Variants in DNAH11 observed in about 807,000 individuals in gnomAD.
DNAH11 encodes the protein dynein axonemal heavy chain 11, also known as axonemal beta dynein heavy chain 11.
In DNAH11, 442 loss-of-function variants were observed where a neutral mutation model predicts 526.0. That is an observed-to-expected ratio of 0.84 (90% CI 0.78 to 0.91). DNAH11 has a LOEUF of 0.91. Ranked by LOEUF, DNAH11 falls within the 40% of genes least tolerant of loss-of-function variation. The pLI is 0.00. For synonymous variants in DNAH11, 2,461 were observed against 1,935.9 expected (o/e 1.27, Z -7.12); for missense variants, 6,989 against 5,448.7 (o/e 1.28, Z -8.90).
rs1786851727 is a variant in DNAH11, at chr7:21,636,089, A to T, written c.4719A>T (p.Glu1573Asp). Residue 1573 changes from glutamate (E) to aspartate (D), a missense_variant, in exon 26 of 82, where the codon GAA becomes GAT. Physicochemically the swap from Glu to Asp is conservative, Grantham distance 45. Coordinates refer to ENST00000409508, the MANE Select transcript of DNAH11 (RefSeq NM_001277115.2). ...GAAGATTTGATGGGGTGGATGCTGA[A>T]TTTAAGGTTTGTCAAAGACAGGCTG... ...DARRFDGVDA[E>D]FKELMFKTAK... 6.2e-7 allele frequency: 1 copy of T among 1,608,160 alleles called. No homozygotes were observed. Among genetic ancestry groups the T allele is most frequent in the Non-Finnish European group, 8.5e-7 (1 of 1,176,130 alleles).
chr7:21,749,143 G>A (rs1184041940), intron 52 of DNAH11, among the ~76,000 whole-genome samples: 1 of 152,138 alleles, frequency 6.6e-6, no homozygotes, highest in Non-Finnish European at 1.5e-5. Context: ...ATAAGAACAG[G>A]AGAAGAAGAT....
At chr7:21,627,146 G>C (rs542315968) in intron 25 of DNAH11, among the ~76,000 whole-genome samples, 24 of 152,206 alleles carry the variant, frequency 1.6e-4, no homozygotes, top group African/African-American at 5.5e-4. Flanking sequence ...TGGGTTGTTT[G>C]AATTTTGTAT....
chr7:21,637,915 T>TGA (rs1180102349), intron 27 of DNAH11, among the ~76,000 whole-genome samples: 3 of 152,170 alleles, frequency 2.0e-5, no homozygotes, highest in African/African-American at 7.2e-5. Context: ...ATTTGTTTTC[T>TGA]GAGAGGAGTA....
chr7:21,808,480 T>C (rs1231302491), intron 63 of DNAH11, among the ~76,000 whole-genome samples: 9 of 152,212 alleles, frequency 5.9e-5, no homozygotes, highest in African/African-American at 9.6e-5. Flanking sequence ...CTGGCACTTA[T>C]TTCTTCTATC....
chr7:21,581,311 AG>A (rs1263325101), intron 8 of DNAH11, among the ~76,000 whole-genome samples: 1 of 152,188 alleles, frequency 6.6e-6, no homozygotes, highest in African/African-American at 2.4e-5. Context: ...GTTATGTATC[AG>A]GAGGAAACTG....
At chr7:21,716,083 C>G (rs1312490852) in intron 42 of DNAH11, among the ~76,000 whole-genome samples, 1 of 150,338 alleles carries the variant, frequency 6.7e-6, no homozygotes, top group Non-Finnish European at 1.5e-5. Flanking sequence ...AAGCCCACTT[C>G]TTCCTTCTGG....
intron 44 of DNAH11, among the ~76,000 whole-genome samples, chr7:21,725,565 T>G (rs1205794905): frequency 6.6e-6 from 1 of 152,158 alleles, no homozygotes; most frequent in Admixed American, 6.5e-5. Flanking sequence ...ACCGTTACAA[T>G]AGTGACTACC....
chr7:21,877,549 G>A (rs1032796185), intron 74 of DNAH11, among the ~76,000 whole-genome samples: 2 of 152,162 alleles, frequency 1.3e-5, no homozygotes, highest in Non-Finnish European at 2.9e-5. Flanking sequence ...ACCATTTCTT[G>A]TAGGATACCA....
intron 45 of DNAH11, among the ~76,000 whole-genome samples, chr7:21,727,441 A>G (rs1254776954): frequency 1.3e-5 from 2 of 152,168 alleles, no homozygotes; most frequent in Non-Finnish European, 1.5e-5. Context: ...CAGCTATCAA[A>G]TGAATATGTT....
chr7:21,737,958 A>G (rs1785688940), intron 46 of DNAH11, among the ~76,000 whole-genome samples: 1 of 152,058 alleles, frequency 6.6e-6, no homozygotes, highest in Non-Finnish European at 1.5e-5. Context: ...TTGTTCATTC[A>G]TTCATTTATT....
intron 43 of DNAH11, 133 bp from the exon 44 acceptor site, chr7:21,720,592 C>T: frequency 9.8e-7 from 1 of 1,024,700 alleles, no homozygotes; most frequent in African/African-American, 1.7e-5. Flanking sequence ...ATTTTTGTCT[C>T]TCCCAATGTA....
At chr7:21,636,126 A>G (rs370993542) in intron 26 of DNAH11, 31 bp downstream of exon 26, 2 of 1,540,538 alleles carry the variant, frequency 1.3e-6, no homozygotes, top group Non-Finnish European at 1.8e-6. Context: ...ATGCTATTCT[A>G]GCAAAGTTTT....
chr7:21,807,859 T>A, intron 62 of DNAH11, 24 bp from the exon 63 acceptor site: 1 of 1,577,610 alleles, frequency 6.3e-7, no homozygotes, highest in Non-Finnish European at 8.7e-7. Context: ...CAATTACAGC[T>A]GAGTAATTTC....
Position 21,787,442 on chromosome 7 carries a change from G to C in DNAH11, c.9783G>C (p.Glu3261Asp), listed in dbSNP as rs201944089. ...FLQALINYDK[E>D]HIPENCLKVV... ...AAGCATTAATTAACTATGACAAAGA[G>C]CACATTCCAGAGAACTGTCTAAAAG... Residue 3261 changes from glutamate to aspartate, a missense_variant, in exon 60 of 82, where the codon GAG becomes GAC. Physicochemically the swap from Glu to Asp is conservative, Grantham distance 45 (BLOSUM62 2). Coordinates refer to ENST00000409508, the MANE Select transcript of DNAH11 (RefSeq NM_001277115.2). The C allele has an allele frequency of 1.2e-3, 1,864 of 1,612,034 alleles. 3 individuals carry two copies. Among genetic ancestry groups the C allele is most frequent in the Non-Finnish European group, 1.4e-3 (1,685 of 1,179,002 alleles).
chr7:21,852,722 TC>T (rs1782690202), intron 67 of DNAH11, 91 bp downstream of exon 67: 5 of 1,360,802 alleles, frequency 3.7e-6, no homozygotes, highest in Non-Finnish European at 2.0e-6. Context: ...TGGTAATTCC[TC>T]TAAGAGGACC....
At chr7:21,763,353 A>AAAAAAAAAAAAAAAAAAAAAAAAGAAG (rs66803559) in intron 54 of DNAH11, among the ~76,000 whole-genome samples, 1 of 56,964 alleles carries the variant, frequency 1.8e-5, no homozygotes. Context: ...AAAAAAAAAA[A>AAAAAAAAAAAAAAAAAAAAAAAAGAAG]AAAGAAAAAA....
At chr7:21,691,492 A>G (rs993351188) in intron 35 of DNAH11, among the ~76,000 whole-genome samples, 2 of 152,010 alleles carry the variant, frequency 1.3e-5, no homozygotes, top group Non-Finnish European at 2.9e-5. Context: ...AGCCCACTCT[A>G]GCCGCAGGGT....
intron 30 of DNAH11, among the ~76,000 whole-genome samples, chr7:21,675,828 G>C (rs1207070097): frequency 6.6e-6 from 1 of 152,094 alleles, no homozygotes; most frequent in Non-Finnish European, 1.5e-5. Flanking sequence ...TGATTGATAG[G>C]ATACTCATAA....
At chr7:21,571,464 G>C (rs1029393745) in intron 7 of DNAH11, among the ~76,000 whole-genome samples, 2 of 151,990 alleles carry the variant, frequency 1.3e-5, no homozygotes, top group South Asian at 2.1e-4. Flanking sequence ...ATGTTTCATA[G>C]AGACAGGATC....
Sources: allele counts gnomAD v4.1 joint callset (sites outside exome capture counted in the v4.1 genomes callset), GRCh38; gene constraint gnomAD v4.1.1; transcripts MANE v1.5; gene names NCBI Gene and HGNC (gene_info 2026-07-23, HGNC 2026-07-21).